The following ENO4 variants were observed in gnomAD, a reference collection of about 807,000 sequenced individuals.
The protein encoded by ENO4 is 2-phospho-D-glycerate hydro-lyase.
A neutral mutation model predicts 63.2 loss-of-function variants in ENO4; 53 were observed. The ratio of observed to expected loss-of-function variants is 0.84; its 90% CI spans 0.67 to 1.05. The LOEUF is 1.05. Among genes scored for constraint, ENO4 ranks in the 50% least tolerant of loss-of-function variants. The probability of loss-of-function intolerance (pLI) is 0.00; values close to 1 mark genes in which losing one functional copy is unlikely to be tolerated. For missense variants in ENO4, 719 were observed against 772.0 expected (o/e 0.93, Z 0.81); for synonymous variants, 266 against 283.8 (o/e 0.94, Z 0.63).
chr10:116,887,799 T>C (rs961749846), intron 10 of ENO4, among the ~76,000 whole-genome samples: 6 of 152,192 alleles, frequency 3.9e-5, no homozygotes, highest in African/African-American at 1.4e-4. Flanking sequence ...ACTAAACGAA[T>C]GGGCAAATAC....
At chr10:116,859,566 T>G (rs1846354780) in intron 4 of ENO4, among the ~76,000 whole-genome samples, 1 of 152,218 alleles carries the variant, frequency 6.6e-6, no homozygotes, top group Non-Finnish European at 1.5e-5. Context: ...TTATGAAACT[T>G]TATTTTAAAG....
At position 116,881,686 on chromosome 10, in the gene ENO4, G is replaced by A; in HGVS notation, c.*17G>A. ...TCTGGATAGGGCTGTACACACCCCA[G>A]GTTCCAGCCACACCATCAGTATTAG... On this transcript the variant is annotated 3_prime_UTR_variant, in exon 14 of 14. Coordinates refer to ENST00000341276, the MANE Select transcript of ENO4 (RefSeq NM_001242699.2). The A allele has an allele frequency of 1.4e-6, 2 of 1,470,396 alleles. No individual in the cohort carries two copies. Among genetic ancestry groups the A allele is most frequent in the Non-Finnish European group, 1.8e-6 (2 of 1,105,892 alleles). The allele number at this position is 1,470,396 out of a possible 1,614,324, so 91.1% of individuals were successfully genotyped here.
intron 10 of ENO4, among the ~76,000 whole-genome samples, chr10:116,911,248 G>A (rs2133346152): frequency 6.6e-6 from 1 of 152,246 alleles, no homozygotes; most frequent in Admixed American, 6.5e-5. Flanking sequence ...GGGACACAAA[G>A]TATGCTCTCC....
At position 116,881,875 on chromosome 10, in the gene ENO4, C is replaced by A; in HGVS notation, c.*206C>A. 1 of 415,072 alleles carries A rather than the reference C, an allele frequency of 2.4e-6. No individual in the cohort carries two copies. Among genetic ancestry groups the A allele is most frequent in the South Asian group, 9.9e-5 (1 of 10,068 alleles). 25.7% of individuals were successfully genotyped at this position (415,072 alleles called of 1,614,324 possible). Reference sequence around the variant, plus strand: ...TGAACTTCGTTTTGCAGCCACCACACTTCCATGTGGATTTTGTTTGTCTAT... The same window carrying A: ...TGAACTTCGTTTTGCAGCCACCACAATTCCATGTGGATTTTGTTTGTCTAT... On this transcript the variant is annotated 3_prime_UTR_variant, in exon 14 of 14. Transcript: ENST00000341276.
At chr10:116,886,226 C>A, downstream of ENO4, 1 of 1,367,282 alleles carries the variant, frequency 7.3e-7, no homozygotes, top group Admixed American at 2.4e-5. Context: ...CAGAAAAGAA[C>A]CTGTATTCTG....
chr10:116,874,044 C>T, intron 9 of ENO4, 32 bp from the exon 10 acceptor site: 2 of 1,504,012 alleles, frequency 1.3e-6, no homozygotes, highest in Non-Finnish European at 9.0e-7. Context: ...ATTATTTATC[C>T]CTTATTTTAA....
chr10:116,866,236 GTGT>G (rs1242420597), intron 7 of ENO4, among the ~76,000 whole-genome samples: 1 of 152,268 alleles, frequency 6.6e-6, no homozygotes, highest in Admixed American at 6.5e-5. Flanking sequence ...TTTCCATGTG[GTGT>G]TACACGTTTG....
chr10:116,851,660 G>A (rs1359294382), intron 1 of ENO4, among the ~76,000 whole-genome samples: 2 of 152,108 alleles, frequency 1.3e-5, no homozygotes, highest in Non-Finnish European at 2.9e-5. Flanking sequence ...CTCTTCCTCA[G>A]AACCTCCTGT....
At chr10:116,876,384 C>T (rs1206173420) in intron 11 of ENO4, 124 bp downstream of exon 11, 1 of 827,890 alleles carries the variant, frequency 1.2e-6, no homozygotes, top group East Asian at 2.8e-5. Flanking sequence ...AAAGTCCAAC[C>T]ATTTGTGAGA....
Position 116,881,842 on chromosome 10 carries a change from A to C in ENO4, c.*173A>C, listed in dbSNP as rs1847025847. 1 of 494,358 alleles carries C rather than the reference A, an allele frequency of 2.0e-6. No homozygotes were observed. The highest frequency in any genetic ancestry group is 2.0e-5 in the African/African-American group (1 of 50,296). The allele number at this position is 494,358 out of a possible 1,614,324, so 30.6% of individuals were successfully genotyped here. A position where few individuals can be genotyped will look rare whatever the true frequency, so the allele number is the denominator to read the frequency against. On this transcript the variant is annotated 3_prime_UTR_variant, in exon 14 of 14. Transcript: ENST00000341276. ...ATTACATATATGATGTTTTTGCCTGAAATTCTGTGAACTTCGTTTTGCAGC... is the reference window on the plus strand; with the variant it reads ...ATTACATATATGATGTTTTTGCCTGCAATTCTGTGAACTTCGTTTTGCAGC...
At chr10:116,879,778 C>G in intron 12 of ENO4, 91 bp from the exon 13 acceptor site, 1 of 986,114 alleles carries the variant, frequency 1.0e-6, no homozygotes, top group Non-Finnish European at 1.5e-6. Context: ...AAACAGCACA[C>G]TGTGACAGTT....
intron 9 of ENO4, among the ~76,000 whole-genome samples, chr10:116,873,279 A>T (rs1846746509): frequency 6.6e-6 from 1 of 152,154 alleles, no homozygotes; most frequent in South Asian, 2.1e-4. Flanking sequence ...AATGGAATCC[A>T]TTCTATTAGC....
At chr10:116,854,530 A>C (rs1846194672) in intron 1 of ENO4, among the ~76,000 whole-genome samples, 1 of 150,460 alleles carries the variant, frequency 6.6e-6, no homozygotes, top group Non-Finnish European at 1.5e-5. Context: ...ATTGTACTCC[A>C]GCCTGGGTGA....
chr10:116,882,975 CA>C (rs1005599011), downstream of ENO4: 4 of 149,264 alleles, frequency 2.7e-5, no homozygotes, highest in African/African-American at 9.8e-5. Flanking sequence ...AAAATACACA[CA>C]CACACACACA....
Position 116,865,437 on chromosome 10 carries a change from G to A in ENO4, c.990+2585G>A, listed in dbSNP as rs565324461. Among the ~76,000 whole-genome samples, 29 of 152,090 alleles carry A rather than the reference G, an allele frequency of 1.9e-4. No homozygotes were observed. The East Asian group carries it at 4.7e-3, about 24-fold the overall frequency. Reference sequence around the variant, plus strand: ...CCTGACCTTGTGATCCGCCCGCCTCGGCCTCCCAAAGTGCTGGGATTACAA... The same window carrying A: ...CCTGACCTTGTGATCCGCCCGCCTCAGCCTCCCAAAGTGCTGGGATTACAA... On this transcript the variant is annotated intron_variant, in intron 7 of 13. Coordinates refer to ENST00000341276, the MANE Select transcript of ENO4 (RefSeq NM_001242699.2).
intron 11 of ENO4, 72 bp from the exon 12 acceptor site, chr10:116,879,219 T>G: frequency 9.1e-7 from 1 of 1,098,106 alleles, no homozygotes; most frequent in Non-Finnish European, 1.3e-6. Context: ...AAATTTTAAA[T>G]TTTGATCCCA....
intron 10 of ENO4, among the ~76,000 whole-genome samples, chr10:116,895,662 G>C (rs1438226954): frequency 1.3e-5 from 2 of 152,142 alleles, no homozygotes; most frequent in African/African-American, 4.8e-5. Context: ...CCTATAGAAG[G>C]AATCTTATGG....
At chr10:116,878,196 A>C (rs1196062657) in intron 11 of ENO4, among the ~76,000 whole-genome samples, 1 of 152,228 alleles carries the variant, frequency 6.6e-6, no homozygotes, top group African/African-American at 2.4e-5. Flanking sequence ...ACTTATGCAG[A>C]GGACATGAAA....
chr10:116,881,744 C>A lies in ENO4; in HGVS notation c.*75C>A. 3 of 1,162,634 alleles carry A rather than the reference C, an allele frequency of 2.6e-6. No individual in the cohort carries two copies. Among genetic ancestry groups the A allele is most frequent in the Non-Finnish European group, 3.4e-6 (3 of 890,516 alleles). 72.0% of individuals were successfully genotyped at this position (1,162,634 alleles called of 1,614,324 possible). On this transcript the variant is annotated 3_prime_UTR_variant, in exon 14 of 14. Transcript: ENST00000341276. Reference sequence around the variant, plus strand: ...GGAGGTCTGAAGTACGGCGCCGTGTCTCCACATGGAGTTTCCTCTTCAACT... The same window carrying A: ...GGAGGTCTGAAGTACGGCGCCGTGTATCCACATGGAGTTTCCTCTTCAACT...
Sources: allele counts gnomAD v4.1 joint callset (sites outside exome capture counted in the v4.1 genomes callset), GRCh38; gene constraint gnomAD v4.1.1; transcripts MANE v1.5; gene names NCBI Gene and HGNC (gene_info 2026-07-23, HGNC 2026-07-21).